ASPH: variants seen among roughly 807,000 people sequenced by gnomAD.
ASPH encodes aspartyl/asparaginyl beta-hydroxylase.
A neutral mutation model predicts 118.4 loss-of-function variants in ASPH; 100 were observed. That is an observed-to-expected ratio of 0.84 (90% confidence interval 0.72 to 1.00). The LOEUF (loss-of-function observed/expected upper bound fraction) is 1.00. ASPH is among the 50% of genes least tolerant of loss of function. The pLI is 0.00. For missense variants in ASPH, 920 were observed against 919.5 expected (o/e 1.00, Z -0.01); for synonymous variants, 315 against 325.6 (o/e 0.97, Z 0.35).
At chr8:61,625,811 C>A in intron 13 of ASPH, 1 of 987,258 alleles carries the variant, frequency 1.0e-6, no homozygotes, top group Non-Finnish European at 1.2e-6. Flanking sequence ...AGTGCTAACA[C>A]AAAGTACTCT....
Position 61,668,146 on chromosome 8 carries a change from T to C in ASPH, c.322+12822A>G, listed in dbSNP as rs564241873. On this transcript the variant is annotated intron_variant, in intron 3 of 24. Coordinates refer to ENST00000379454, the MANE Select transcript of ASPH (RefSeq NM_004318.4). ...CAAAAGCAATAGTGTTTAGCATTAG[T>C]AGCAATATTAACATTCCCAGAAAAT... 8.2e-4 allele frequency: 1,074 copies of C among 1,307,914 alleles called. 2 individuals are homozygous for C. The highest frequency in any genetic ancestry group is 8.8e-4 in the Non-Finnish European group (814 of 920,568). 81.0% of individuals were successfully genotyped at this position (1,307,914 alleles called of 1,614,324 possible).
chr8:61,576,012 C>T (rs1178536906), intron 16 of ASPH, among the ~76,000 whole-genome samples: 1 of 152,212 alleles, frequency 6.6e-6, no homozygotes. Flanking sequence ...CAAACCTTCC[C>T]CTCGTTCTTG....
intron 16 of ASPH, among the ~76,000 whole-genome samples, chr8:61,569,236 T>C (rs928122975): frequency 2.1e-4 from 32 of 152,194 alleles, no homozygotes; most frequent in African/African-American, 7.7e-4. Flanking sequence ...AGTAAAATAC[T>C]GGAGTCAGGA....
At position 61,653,590 on chromosome 8, in the gene ASPH, CT is replaced by C. The variant is rs1304803585; in HGVS notation, c.392del (p.Glu131GlyfsTer62). ...PEEAEPHTEP[E>X]EQVPVEAEPQ... ...TACCTGCCTCCACAGGAACCTGCTC[CT>C]CGGGCTCAGTGTGTGGCTCAGCCTC... On this transcript the variant is annotated frameshift_variant, in exon 4 of 25. Coordinates refer to ENST00000379454, the MANE Select transcript of ASPH (RefSeq NM_004318.4). LOFTEE classifies it high-confidence loss of function. 1 of 1,613,920 alleles carries C rather than the reference CT, an allele frequency of 6.2e-7. No homozygotes were observed. The highest frequency in any genetic ancestry group is 8.5e-7 in the Non-Finnish European group (1 of 1,179,944).
chr8:61,706,404 CAAAAAAAAAAAAAA>C (rs55731088), intron 1 of ASPH, among the ~76,000 whole-genome samples: 3 of 70,560 alleles, frequency 4.3e-5, no homozygotes, highest in African/African-American at 1.8e-4. Context: ...GGTCATGACT[CAAAAAAAAAAAAAA>C]AAAAAAAAAA....
Position 61,529,907 on chromosome 8 carries a change from T to G in ASPH, c.1765-3795A>C, listed in dbSNP as rs532972763. Among the ~76,000 whole-genome samples the G allele has an allele frequency of 1.2e-4, 19 of 152,320 alleles. No individual in the cohort carries two copies. In the South Asian group the frequency reaches 3.9e-3, roughly 32 times the overall value. ...ATCTCATTCATGAATGTTTTGCCCT[T>G]AAGGCATAATCATCACCCAAAGCCC... On this transcript the variant is annotated intron_variant, in intron 21 of 24. Coordinates refer to ENST00000379454, the MANE Select transcript of ASPH (RefSeq NM_004318.4).
intron 22 of ASPH, among the ~76,000 whole-genome samples, chr8:61,522,236 A>C (rs1813362177): frequency 6.6e-6 from 1 of 152,212 alleles, no homozygotes; most frequent in Admixed American, 6.5e-5. Context: ...AACATAGTTC[A>C]GTCCTAATGA....
chr8:61,508,994 G>T (rs949355715), intron 24 of ASPH, among the ~76,000 whole-genome samples: 3 of 151,122 alleles, frequency 2.0e-5, no homozygotes, highest in Non-Finnish European at 4.5e-5. Context: ...ACGTAAAACT[G>T]CATTGTCACA....
intron 1 of ASPH, among the ~76,000 whole-genome samples, chr8:61,711,689 A>G (rs1645327893): frequency 6.6e-6 from 1 of 152,104 alleles, no homozygotes; most frequent in South Asian, 2.1e-4. Context: ...CCTAAAATGC[A>G]TGTTTCAAAT....
chr8:61,508,128 C>T (rs1344601335), intron 24 of ASPH, among the ~76,000 whole-genome samples: 1 of 152,220 alleles, frequency 6.6e-6, no homozygotes, highest in Non-Finnish European at 1.5e-5. Flanking sequence ...GATCCTCCCA[C>T]CTCAGTCTCC....
intron 19 of ASPH, 42 bp from the exon 20 acceptor site, chr8:61,553,162 A>G (rs1365603635): frequency 7.0e-7 from 1 of 1,434,930 alleles, no homozygotes; most frequent in Non-Finnish European, 9.8e-7. Context: ...ATAATTAAAT[A>G]CCAGATTCCA....
intron 3 of ASPH, among the ~76,000 whole-genome samples, chr8:61,671,059 A>C (rs956027205): frequency 6.6e-6 from 1 of 152,168 alleles, no homozygotes; most frequent in African/African-American, 2.4e-5. Flanking sequence ...AATGGGAAAT[A>C]CAGTAATGGA....
chr8:61,521,576 A>G (rs1281188742), intron 22 of ASPH, among the ~76,000 whole-genome samples: 1 of 152,200 alleles, frequency 6.6e-6, no homozygotes, highest in Non-Finnish European at 1.5e-5. Flanking sequence ...GTTGCATTGT[A>G]AGTTAGAAGG....
chr8:61,550,167 T>C (rs1825409894), intron 20 of ASPH, among the ~76,000 whole-genome samples: 1 of 151,868 alleles, frequency 6.6e-6, no homozygotes, highest in Admixed American at 6.6e-5. Flanking sequence ...GAGTGCTTTT[T>C]AAAAAAAACC....
chr8:61,562,001 A>G (rs1197183053), intron 18 of ASPH, among the ~76,000 whole-genome samples: 4 of 152,220 alleles, frequency 2.6e-5, no homozygotes, highest in African/African-American at 9.6e-5. Flanking sequence ...ATTGATGTAG[A>G]CTTCACCAGC....
chr8:61,655,013 T>C (rs1812904594), intron 3 of ASPH, among the ~76,000 whole-genome samples: 1 of 152,216 alleles, frequency 6.6e-6, no homozygotes, highest in Non-Finnish European at 1.5e-5. Context: ...CCTCAACTGT[T>C]AATGGAACAG....
rs1232305236 is a variant in ASPH, at chr8:61,624,704, TCCTCAA to T, written c.935-5691_935-5686del. ...TTAAAGTTAACCACAGCATAATGAATCCTCAACGTCCAGAGTTCTACAAAAATCCAG... is the reference window on the plus strand; with the variant it reads ...TTAAAGTTAACCACAGCATAATGAATCGTCCAGAGTTCTACAAAAATCCAG... On this transcript the variant is annotated intron_variant, in intron 13 of 24. Coordinates refer to ENST00000379454, the MANE Select transcript of ASPH (RefSeq NM_004318.4). 5.1e-6 allele frequency: 5 copies of T among 985,588 alleles called. No homozygotes were observed. The East Asian group carries it at 5.7e-4, about 112-fold the overall frequency. The allele number at this position is 985,588 out of a possible 1,614,324, so 61.1% of individuals were successfully genotyped here. A position where few individuals can be genotyped will look rare whatever the true frequency, so the allele number is the denominator to read the frequency against.
Position 61,646,750 on chromosome 8 carries a change from C to A in ASPH, c.619G>T (p.Glu207Ter). ...ETLEPEVSHEETEHSYHVEET... is the reference protein window; with the variant it reads ...ETLEPEVSHE ...AAAACTTGAAAAAAAAGTGTTCTAC[C>A]TTCATGAGATACTTCAGGTTCCAGG... The change falls in exon 6 of 25, where the codon GAA becomes TAA. Residue 207 changes from glutamate (E) to a stop codon, truncating the protein, a stop_gained and splice_region_variant. Transcript: ENST00000379454. LOFTEE classifies it high-confidence loss of function. 6.2e-7 allele frequency: 1 copy of A among 1,611,036 alleles called. No homozygotes were observed. Among genetic ancestry groups the A allele is most frequent in the Non-Finnish European group, 8.5e-7 (1 of 1,178,402 alleles).
chr8:61,552,945 T>G (rs1826521492), intron 20 of ASPH, 86 bp downstream of exon 20: 1 of 1,152,548 alleles, frequency 8.7e-7, no homozygotes, highest in Non-Finnish European at 1.3e-6. Context: ...CTCAAAATAT[T>G]TTTTGAATTC....
Sources: gnomAD v4.1 joint callset for allele counts (sites outside exome capture counted in the v4.1 genomes callset) on GRCh38, gnomAD v4.1.1 for gene constraint, MANE v1.5 for transcripts, NCBI Gene and HGNC (gene_info 2026-07-23, HGNC 2026-07-21) for gene names.